The following TACR1 variants were observed in gnomAD, a reference collection of about 807,000 sequenced individuals.
The protein encoded by TACR1 is substance-P receptor.
TACR1 carries 25 observed loss-of-function variants against 35.8 expected under a neutral mutation model. That is an observed-to-expected ratio of 0.70 (90% confidence interval 0.51 to 0.98). The LOEUF (loss-of-function observed/expected upper bound fraction) is 0.98. Ranked by LOEUF, TACR1 falls within the 50% of genes least tolerant of loss-of-function variation. The pLI is 0.00. For missense variants in TACR1, 478 were observed against 522.9 expected (o/e 0.91, Z 0.84); for synonymous variants, 195 against 206.7 (o/e 0.94, Z 0.48).
chr2:75,199,272 C>T lies in TACR1; in HGVS notation c.-338G>A, dbSNP rs1442608304. 3.9e-6 allele frequency: 1 copy of T among 258,086 alleles called. No homozygotes were observed. The highest frequency in any genetic ancestry group is 2.2e-5 in the African/African-American group (1 of 46,494). 16.0% of individuals were successfully genotyped at this position (258,086 alleles called of 1,614,324 possible). Reference sequence around the variant, plus strand: ...CAGTTCTAGGAAGCAAGAGATCCCCCGCATTTATGCACCTGCTGCTGCCTG... The same window carrying T: ...CAGTTCTAGGAAGCAAGAGATCCCCTGCATTTATGCACCTGCTGCTGCCTG... On this transcript the variant is annotated 5_prime_UTR_variant, in exon 1 of 5. Transcript: ENST00000305249.
At chr2:75,072,806 T>C (rs1370633659) in intron 2 of TACR1, among the ~76,000 whole-genome samples, 1 of 152,236 alleles carries the variant, frequency 6.6e-6, no homozygotes, top group Non-Finnish European at 1.5e-5. Context: ...TGAGACCAAC[T>C]TCAGGACTTT....
At chr2:75,170,644 G>A (rs186886831) in intron 1 of TACR1, among the ~76,000 whole-genome samples, 2 of 152,284 alleles carry the variant, frequency 1.3e-5, no homozygotes, top group Non-Finnish European at 2.9e-5. Flanking sequence ...AAATGCTGAT[G>A]GTGATATGGA....
chr2:75,082,141 A>C (rs1011886898), intron 2 of TACR1, among the ~76,000 whole-genome samples: 1 of 151,898 alleles, frequency 6.6e-6, no homozygotes, highest in African/African-American at 2.4e-5. Context: ...TCATTGTTCA[A>C]TTCCCATCTA....
At chr2:75,114,679 TCAATGGG>T (rs1673815676) in intron 2 of TACR1, among the ~76,000 whole-genome samples, 1 of 152,226 alleles carries the variant, frequency 6.6e-6, no homozygotes, top group Admixed American at 6.5e-5. Flanking sequence ...GCTTTCTTCT[TCAATGGG>T]AAGAGTCACC....
intron 2 of TACR1, among the ~76,000 whole-genome samples, chr2:75,066,224 T>C (rs1468093375): frequency 6.6e-6 from 1 of 152,218 alleles, no homozygotes; most frequent in African/African-American, 2.4e-5. Context: ...AAGAGAGATA[T>C]TGCTAACCTC....
chr2:75,156,699 A>G (rs1674868245), intron 1 of TACR1, among the ~76,000 whole-genome samples: 1 of 152,090 alleles, frequency 6.6e-6, no homozygotes, highest in East Asian at 1.9e-4. Context: ...GGTCTACATA[A>G]CAGTGAGAAA....
intron 2 of TACR1, among the ~76,000 whole-genome samples, chr2:75,094,242 C>T (rs1031141380): frequency 6.6e-6 from 1 of 152,154 alleles, no homozygotes; most frequent in African/African-American, 2.4e-5. Context: ...AGAGTTAAAG[C>T]ATTGTTCCAG....
At chr2:75,188,631 C>T (rs919071754) in intron 1 of TACR1, 19 of 152,190 alleles carry the variant, frequency 1.2e-4, no homozygotes, top group Admixed American at 3.9e-4. Flanking sequence ...AAACCCAGCA[C>T]TCCTAGAGCT....
chr2:75,139,871 C>T (rs974973648), intron 1 of TACR1, among the ~76,000 whole-genome samples: 1 of 152,114 alleles, frequency 6.6e-6, no homozygotes, highest in Non-Finnish European at 1.5e-5. Flanking sequence ...AAAGATTAGA[C>T]ATCAGGTAAT....
At chr2:75,144,751 A>C (rs1393043495) in intron 1 of TACR1, among the ~76,000 whole-genome samples, 1 of 152,224 alleles carries the variant, frequency 6.6e-6, no homozygotes, top group South Asian at 2.1e-4. Context: ...AAAAAATTAA[A>C]TGTGAATTTA....
chr2:75,169,724 C>T (rs1056923421), intron 1 of TACR1, among the ~76,000 whole-genome samples: 1 of 152,164 alleles, frequency 6.6e-6, no homozygotes, highest in African/African-American at 2.4e-5. Context: ...GTAGATTCTG[C>T]TCAGGAAAGT....
Position 75,120,557 on chromosome 2 carries a change from G to A in TACR1, c.584+17C>T, listed in dbSNP as rs1173238947. ...TGCACCATCGTTTCTTTGGCATGGGGAGTCATCTCTACTCACACTTTCTCA... is the reference window on the plus strand; with the variant it reads ...TGCACCATCGTTTCTTTGGCATGGGAAGTCATCTCTACTCACACTTTCTCA... On this transcript the variant is annotated intron_variant, in intron 2 of 4. Transcript: ENST00000305249. 1 of 1,573,486 alleles carries A rather than the reference G, an allele frequency of 6.4e-7. No homozygotes were observed.
At chr2:75,067,590 T>C (rs1672788808) in intron 2 of TACR1, among the ~76,000 whole-genome samples, 1 of 152,146 alleles carries the variant, frequency 6.6e-6, no homozygotes, top group African/African-American at 2.4e-5. Flanking sequence ...GCTAAGTGAA[T>C]AGAGGAGCCA....
At chr2:75,081,914 A>AAT (rs1011438758) in intron 2 of TACR1, among the ~76,000 whole-genome samples, 2 of 149,408 alleles carry the variant, frequency 1.3e-5, no homozygotes, top group African/African-American at 5.0e-5. Flanking sequence ...TTTTTTTTTA[A>AAT]ATATATATAT....
rs1319023241 is a variant in TACR1, at chr2:75,159,053, T to C, written c.390-38285A>G. Among the ~76,000 whole-genome samples the C allele has an allele frequency of 2.6e-5, 4 of 151,932 alleles. No homozygotes were observed. In the East Asian group the frequency reaches 5.8e-4, roughly 22 times the overall value. On this transcript the variant is annotated intron_variant, in intron 1 of 4. Transcript: ENST00000305249. ...TAAAATAATTTTTTATTGGTACCTT[T>C]TTTTTTTAATGTTTTAGAGAGATAA...
At position 75,144,253 on chromosome 2, in the gene TACR1, CA is replaced by C. The variant is rs1674463319; in HGVS notation, c.390-23486del. On this transcript the variant is annotated intron_variant, in intron 1 of 4. Transcript: ENST00000305249. ...AGGTGTGATAATTAAAGCGTGGGCACAGCCTGTGGGCTTCTGAGATAAAGTG... is the reference window on the plus strand; with the variant it reads ...AGGTGTGATAATTAAAGCGTGGGCACGCCTGTGGGCTTCTGAGATAAAGTG... Among the ~76,000 whole-genome samples, 3 of 152,294 alleles carry C rather than the reference CA, an allele frequency of 2.0e-5. No individual in the cohort carries two copies. In the South Asian group the frequency reaches 6.2e-4, roughly 32 times the overall value.
rs534801153 is a variant in TACR1, at chr2:75,171,083, C to A, written c.389+27463G>T. On this transcript the variant is annotated intron_variant, in intron 1 of 4. Coordinates refer to ENST00000305249, the MANE Select transcript of TACR1 (RefSeq NM_001058.4). Reference sequence around the variant, plus strand: ...TGGGGAAAATGTCTCCAGGGCATGTCAGAGGTCTTCACTGCAGCCCCTCCC... The same window carrying A: ...TGGGGAAAATGTCTCCAGGGCATGTAAGAGGTCTTCACTGCAGCCCCTCCC... 2.0e-3 allele frequency among the ~76,000 whole-genome samples: 298 copies of A among 152,306 alleles called. 1 individual carries two copies. The highest frequency in any genetic ancestry group is 0.014 in the South Asian group (67 of 4,826).
At chr2:75,050,562 T>C (rs1184894558) in intron 4 of TACR1, among the ~76,000 whole-genome samples, 1 of 152,204 alleles carries the variant, frequency 6.6e-6, no homozygotes, top group East Asian at 1.9e-4. Context: ...CCATGGTGAA[T>C]TCCCTAATGC....
chr2:75,190,520 C>A (rs1675818608), intron 1 of TACR1, among the ~76,000 whole-genome samples: 1 of 152,166 alleles, frequency 6.6e-6, no homozygotes, highest in African/African-American at 2.4e-5. Context: ...CAGGAGGAGG[C>A]TGAGACAAGA....
Sources: gnomAD v4.1 joint callset for allele counts (sites outside exome capture counted in the v4.1 genomes callset) on GRCh38, gnomAD v4.1.1 for gene constraint, MANE v1.5 for transcripts, NCBI Gene and HGNC (gene_info 2026-07-23, HGNC 2026-07-21) for gene names.